DEPTOR: variants seen among roughly 807,000 people sequenced by gnomAD.
DEPTOR encodes DEP domain-containing mTOR-interacting protein.
DEPTOR carries 41 observed loss-of-function variants against 41.6 expected under a neutral mutation model. The ratio of observed to expected loss-of-function variants is 0.98; its 90% confidence interval spans 0.77 to 1.28. DEPTOR has a LOEUF of 1.28. Ranked by LOEUF, DEPTOR falls within the 50% of genes most tolerant of loss-of-function variation. The pLI is 0.00. For missense variants in DEPTOR, 514 were observed against 527.9 expected (o/e 0.97, Z 0.26); for synonymous variants, 195 against 192.3 (o/e 1.01, Z -0.12).
Position 120,008,946 on chromosome 8 carries a change from T to C in DEPTOR, c.997-83T>C. 3 of 1,281,206 alleles carry C rather than the reference T, an allele frequency of 2.3e-6. No homozygotes were observed. The South Asian group carries it at 3.8e-5, about 16-fold the overall frequency. 79.4% of individuals were successfully genotyped at this position (1,281,206 alleles called of 1,614,324 possible). A position where few individuals can be genotyped will look rare whatever the true frequency, so the allele number is the denominator to read the frequency against. On this transcript the variant is annotated intron_variant, in intron 7 of 8. Transcript: ENST00000286234. ...ATATGTCACAGTGTATACTTAATCC[T>C]GGGCTGGTTTTCTCTCCCTCAGAAG...
chr8:119,945,430 A>G (rs1828258794), intron 3 of DEPTOR, among the ~76,000 whole-genome samples: 1 of 152,152 alleles, frequency 6.6e-6, no homozygotes, highest in African/African-American at 2.4e-5. Context: ...TAGTTCATTT[A>G]ATCCTTCCTA....
chr8:119,947,284 G>C (rs1223855475), intron 3 of DEPTOR, among the ~76,000 whole-genome samples: 1 of 152,206 alleles, frequency 6.6e-6, no homozygotes, highest in Non-Finnish European at 1.5e-5. Context: ...TGTGGCTCTG[G>C]AGTACTGTTT....
intron 1 of DEPTOR, among the ~76,000 whole-genome samples, chr8:119,917,736 T>C (rs1385114924): frequency 1.3e-5 from 2 of 152,108 alleles, no homozygotes; most frequent in African/African-American, 4.8e-5. Context: ...CTGAGGAGGA[T>C]TAGTAAAAGA....
chr8:120,030,796 A>G (rs554143452), intron 8 of DEPTOR, among the ~76,000 whole-genome samples: 2 of 151,684 alleles, frequency 1.3e-5, no homozygotes, highest in South Asian at 2.1e-4. Flanking sequence ...GCCCAGCCTC[A>G]TCAATTTCTT....
chr8:119,885,637 A>G (rs999032832), intron 1 of DEPTOR, among the ~76,000 whole-genome samples: 4 of 152,256 alleles, frequency 2.6e-5, no homozygotes, highest in Non-Finnish European at 5.9e-5. Context: ...AGAAGCCATC[A>G]CATAATATTT....
At chr8:120,015,973 C>T (rs972109516) in intron 8 of DEPTOR, among the ~76,000 whole-genome samples, 6 of 152,144 alleles carry the variant, frequency 3.9e-5, no homozygotes, top group African/African-American at 1.4e-4. Context: ...GCAAGAAGGC[C>T]AGGGAATCGC....
chr8:119,878,549 G>A (rs13269024), intron 1 of DEPTOR, among the ~76,000 whole-genome samples: 1 of 150,894 alleles, frequency 6.6e-6, no homozygotes, highest in Non-Finnish European at 1.5e-5. Context: ...GAATGGTCTC[G>A]ATCTCTTGAC....
At chr8:119,981,648 A>G (rs947088296) in intron 4 of DEPTOR, among the ~76,000 whole-genome samples, 1 of 92,094 alleles carries the variant, frequency 1.1e-5, no homozygotes, top group Non-Finnish European at 2.4e-5. Flanking sequence ...GCAAGACCCT[A>G]TCTCAAAAAA....
chr8:119,970,779 G>A (rs753312490), intron 4 of DEPTOR, among the ~76,000 whole-genome samples: 2 of 152,160 alleles, frequency 1.3e-5, no homozygotes, highest in African/African-American at 4.8e-5. Context: ...GGCACATCGG[G>A]TGGAGTGTGG....
intron 1 of DEPTOR, among the ~76,000 whole-genome samples, chr8:119,902,345 A>AT (rs60889015): frequency 5.3e-5 from 8 of 150,700 alleles, no homozygotes; most frequent in South Asian, 2.1e-4. Context: ...AGGATTTAGG[A>AT]TTTTTTTTTT....
intron 3 of DEPTOR, among the ~76,000 whole-genome samples, chr8:119,941,544 A>G (rs563953019): frequency 2.0e-5 from 3 of 152,274 alleles, no homozygotes; most frequent in East Asian, 3.9e-4. Flanking sequence ...GAAAGCCAAA[A>G]TGATATCTAA....
At position 120,003,054 on chromosome 8, in the gene DEPTOR, T is replaced by TTCAGCAGCAGCCCCACCC. The variant is rs769387151; in HGVS notation, c.883_900dup (p.Thr295_Pro300dup). 1 of 1,612,062 alleles carries TTCAGCAGCAGCCCCACCC rather than the reference T, an allele frequency of 6.2e-7. No individual in the cohort carries two copies. Among genetic ancestry groups the TTCAGCAGCAGCCCCACCC allele is most frequent in the South Asian group, 1.1e-5 (1 of 90,932 alleles). ...GAGCAGCTGTGGCAGCAGCGGCTAC[T>TTCAGCAGCAGCCCCACCC]TCAGCAGCAGCCCCACCCTCAGCAG... On this transcript the variant is annotated inframe_insertion, in exon 6 of 9. Coordinates refer to ENST00000286234, the MANE Select transcript of DEPTOR (RefSeq NM_022783.4).
At chr8:119,874,719 G>T (rs1331529963) in intron 1 of DEPTOR, among the ~76,000 whole-genome samples, 1 of 152,098 alleles carries the variant, frequency 6.6e-6, no homozygotes, top group African/African-American at 2.4e-5. Flanking sequence ...GACTTGCGGC[G>T]TCTCACGGAA....
intron 1 of DEPTOR, among the ~76,000 whole-genome samples, chr8:119,895,068 TG>T (rs1827500788): frequency 6.6e-6 from 1 of 152,198 alleles, no homozygotes. Flanking sequence ...AGAGCCCCTA[TG>T]TCCCATTTGA....
intron 8 of DEPTOR, among the ~76,000 whole-genome samples, chr8:120,009,406 A>G (rs556198977): frequency 1.3e-3 from 192 of 152,228 alleles, no homozygotes; most frequent in African/African-American, 4.3e-3. Context: ...TGAGGTCAGG[A>G]GTTCAAGACT....
intron 4 of DEPTOR, among the ~76,000 whole-genome samples, chr8:119,987,438 C>G (rs1316957321): frequency 6.6e-6 from 1 of 152,182 alleles, no homozygotes; most frequent in African/African-American, 2.4e-5. Context: ...AGATGCCAAC[C>G]AGAGCTCTCC....
intron 1 of DEPTOR, among the ~76,000 whole-genome samples, chr8:119,876,649 A>G (rs1586593130): frequency 6.6e-6 from 1 of 151,902 alleles, no homozygotes; most frequent in Admixed American, 6.6e-5. Flanking sequence ...AAAAAAAAAA[A>G]AGAAGAAGAA....
chr8:119,942,230 T>C (rs982451777), intron 3 of DEPTOR, among the ~76,000 whole-genome samples: 3 of 152,090 alleles, frequency 2.0e-5, no homozygotes, highest in African/African-American at 7.2e-5. Flanking sequence ...TGAGACGGAG[T>C]CTCATTCTGC....
At chr8:120,031,823 A>AT (rs1279674321) in intron 8 of DEPTOR, among the ~76,000 whole-genome samples, 3 of 151,944 alleles carry the variant, frequency 2.0e-5, no homozygotes, top group Non-Finnish European at 2.9e-5. Flanking sequence ...GGGAGCTTCC[A>AT]TTTTTTATGC....
Sources: gnomAD v4.1 joint callset for allele counts (sites outside exome capture counted in the v4.1 genomes callset) on GRCh38, gnomAD v4.1.1 for gene constraint, MANE v1.5 for transcripts, NCBI Gene and HGNC (gene_info 2026-07-23, HGNC 2026-07-21) for gene names.